The following MACC1 variants were observed in gnomAD, a reference collection of about 807,000 sequenced individuals.
MACC1 encodes MET transcriptional regulator MACC1, also known as metastasis-associated in colon cancer protein 1.
MACC1 carries 79 observed loss-of-function variants against 70.7 expected under a neutral mutation model. That is an observed-to-expected ratio of 1.12 (90% CI 0.93 to 1.35). The LOEUF is 1.35. Ranked by LOEUF, MACC1 falls within the 40% of genes most tolerant of loss-of-function variation. MACC1 has a pLI of 0.00. For synonymous variants in MACC1, 361 were observed against 347.2 expected, an observed-to-expected ratio of 1.04 and a Z score of -0.44; for missense variants, 1,106 against 978.1, an observed-to-expected ratio of 1.13 and a Z score of -1.74.
At chr7:20,213,848 C>A (rs1159396102) in intron 1 of MACC1, among the ~76,000 whole-genome samples, 1 of 151,980 alleles carries the variant, frequency 6.6e-6, no homozygotes, top group Non-Finnish European at 1.5e-5. Context: ...TACAACGAAG[C>A]CCCATGACAT....
chr7:20,185,504 A>G (rs1333882812), intron 1 of MACC1, among the ~76,000 whole-genome samples: 2 of 152,074 alleles, frequency 1.3e-5, no homozygotes, highest in African/African-American at 4.8e-5. Flanking sequence ...TTTTTTCTTT[A>G]AACAGATTTT....
chr7:20,198,169 G>A lies in MACC1; in HGVS notation c.-218+19130C>T, dbSNP rs540043332. Among the ~76,000 whole-genome samples, 20 of 152,322 alleles carry A rather than the reference G, an allele frequency of 1.3e-4. 1 individual carries two copies. The South Asian group carries it at 3.9e-3, about 30-fold the overall frequency. On this transcript the variant is annotated intron_variant, in intron 1 of 6. Transcript: ENST00000400331. ...CCATATCATCTGGAGATCCCTGAGG[G>A]CATGTGATATGTGGGTATGGAGGAG...
At chr7:20,199,896 A>T (rs1352540256) in intron 1 of MACC1, among the ~76,000 whole-genome samples, 1 of 152,188 alleles carries the variant, frequency 6.6e-6, no homozygotes, top group Non-Finnish European at 1.5e-5. Context: ...GAAAGTAGTG[A>T]GTTATACATG....
rs750832863 is a variant in MACC1, at chr7:20,141,166, G to GA, written c.2347-9dup. On this transcript the variant is annotated splice_polypyrimidine_tract_variant and intron_variant, in intron 6 of 6. Transcript: ENST00000400331. ...GGCAGGTTTCCACATCATCTATAAA[G>GA]AAAAAAAATAGATTGGAGTAGTGTG... is the stretch of plus-strand genomic sequence containing the variant. 56 of 1,544,728 alleles carry GA rather than the reference G, an allele frequency of 3.6e-5. No homozygotes were observed. The highest frequency in any genetic ancestry group is 1.4e-4 in the East Asian group (6 of 43,148).
At chr7:20,201,886 A>G (rs953631148) in intron 1 of MACC1, among the ~76,000 whole-genome samples, 1 of 152,224 alleles carries the variant, frequency 6.6e-6, no homozygotes, top group African/African-American at 2.4e-5. Flanking sequence ...AGTTGGAACC[A>G]TGTCTTCCTG....
intron 4 of MACC1, 99 bp downstream of exon 4, chr7:20,161,649 T>C: frequency 1.4e-6 from 1 of 715,812 alleles, no homozygotes; most frequent in Non-Finnish European, 2.4e-6. Context: ...ATAATTCTTT[T>C]CATCTTCCAG....
chr7:20,197,554 C>A (rs1782772101), intron 1 of MACC1, among the ~76,000 whole-genome samples: 2 of 152,336 alleles, frequency 1.3e-5, no homozygotes, highest in African/African-American at 2.4e-5. Context: ...GATCTCCTGT[C>A]TATTTAGTAA....
intron 1 of MACC1, among the ~76,000 whole-genome samples, chr7:20,179,028 T>C (rs937823224): frequency 1.3e-5 from 2 of 152,238 alleles, no homozygotes; most frequent in African/African-American, 4.8e-5. Context: ...AATACTCTTT[T>C]CTTCAGATTT....
chr7:20,202,391 C>T lies in MACC1; in HGVS notation c.-218+14908G>A, dbSNP rs747435433. Reference sequence around the variant, plus strand: ...TTAGAAATTTCTAGATTTCAGAATACGCCTCTTTGTATTTGGACGTAGAGC... The same window carrying T: ...TTAGAAATTTCTAGATTTCAGAATATGCCTCTTTGTATTTGGACGTAGAGC... On this transcript the variant is annotated intron_variant, in intron 1 of 6. Transcript: ENST00000400331. Among the ~76,000 whole-genome samples the T allele has an allele frequency of 3.3e-5, 5 of 152,248 alleles. No homozygotes were observed. The South Asian group carries it at 1.0e-3, about 32-fold the overall frequency.
chr7:20,195,136 C>G (rs935126686), intron 1 of MACC1, among the ~76,000 whole-genome samples: 1 of 151,330 alleles, frequency 6.6e-6, no homozygotes, highest in African/African-American at 2.4e-5. Flanking sequence ...TAAGTTTTAC[C>G]TTGATTATCA....
chr7:20,179,859 A>C (rs1488729109), intron 1 of MACC1, among the ~76,000 whole-genome samples: 1 of 152,162 alleles, frequency 6.6e-6, no homozygotes, highest in Non-Finnish European at 1.5e-5. Context: ...TCTTGCTTTC[A>C]CACACAAAGT....
At chr7:20,143,211 G>T (rs118104117) in intron 6 of MACC1, among the ~76,000 whole-genome samples, 1,649 of 152,226 alleles carry the variant, frequency 0.011, 6 homozygotes, top group Non-Finnish European at 0.018. Flanking sequence ...GGAGCCCTTA[G>T]GCACACTCAG....
rs754530577 is a variant in MACC1 at position 20,161,820 on chromosome 7, C to A, written c.43G>T (p.Ala15Ser). Residue 15 changes from alanine to serine, a missense_variant, in exon 4 of 7, where the codon GCA becomes TCA. Physicochemically the swap from Ala to Ser is moderately conservative, Grantham distance 99. Transcript: ENST00000400331. ...AAATTTGCTTCAGACATACTTTGTG[C>A]AATTCTTCCTGACCGAAAATGTTTT... ...ERKHFRSGRI[A>S]QSMSEANLID... 6.2e-7 allele frequency: 1 copy of A among 1,612,464 alleles called. No homozygotes were observed. Among genetic ancestry groups the A allele is most frequent in the East Asian group, 2.2e-5 (1 of 44,710 alleles).
At chr7:20,171,329 G>A (rs967399377) in intron 1 of MACC1, among the ~76,000 whole-genome samples, 1 of 150,714 alleles carries the variant, frequency 6.6e-6, no homozygotes, top group African/African-American at 2.4e-5. Context: ...TTGGCTCACT[G>A]CAAGCTCCGC....
intron 2 of MACC1, among the ~76,000 whole-genome samples, chr7:20,168,590 T>A (rs942596219): frequency 3.3e-5 from 5 of 151,914 alleles, no homozygotes; most frequent in African/African-American, 9.7e-5. Flanking sequence ...TTTTACAGTA[T>A]GTTCAACAGT....
At chr7:20,187,843 C>G (rs1435533678) in intron 1 of MACC1, among the ~76,000 whole-genome samples, 1 of 152,136 alleles carries the variant, frequency 6.6e-6, no homozygotes, top group Non-Finnish European at 1.5e-5. Context: ...GGTGACCTTG[C>G]TTCATATTTT....
intron 5 of MACC1, among the ~76,000 whole-genome samples, chr7:20,155,698 C>G (rs900972138): frequency 6.6e-6 from 1 of 152,156 alleles, no homozygotes; most frequent in African/African-American, 2.4e-5. Flanking sequence ...CATGTTCATT[C>G]CCCTGAAAGT....
intron 6 of MACC1, among the ~76,000 whole-genome samples, chr7:20,152,370 T>C (rs1482349225): frequency 2.0e-5 from 3 of 152,176 alleles, no homozygotes; most frequent in Non-Finnish European, 4.4e-5. Flanking sequence ...ACTTGAATTG[T>C]AAATTGATCA....
rs1226487692 is a variant in MACC1 at position 20,158,806 on chromosome 7, C to T, written c.1555G>A (p.Gly519Ser). The T allele has an allele frequency of 1.5e-5, 24 of 1,613,982 alleles. No individual in the cohort carries two copies. The Admixed American group carries it at 3.2e-4, about 21-fold the overall frequency. Residue 519 changes from glycine to serine, a missense_variant, in exon 5 of 7, where the codon GGC (glycine) becomes AGC (serine). By Grantham distance (56) the Gly-to-Ser change is moderately conservative. Coordinates refer to ENST00000400331, the MANE Select transcript of MACC1 (RefSeq NM_182762.4). Reference protein sequence around the residue: ...PNLKRLSNLPGYLQKKEEIKS... With the variant: ...PNLKRLSNLPSYLQKKEEIKS... ...ATTTCCTCCTTCTTCTGCAAATAGCCTGGCAGATTCGAGAGTCTTTTTAGG... is the reference window on the plus strand; with the variant it reads ...ATTTCCTCCTTCTTCTGCAAATAGCTTGGCAGATTCGAGAGTCTTTTTAGG...
Sources: allele counts gnomAD v4.1 joint callset (sites outside exome capture counted in the v4.1 genomes callset), GRCh38; gene constraint gnomAD v4.1.1; transcripts MANE v1.5; gene names NCBI Gene and HGNC (gene_info 2026-07-23, HGNC 2026-07-21).